The following MAN2A1 variants were observed in gnomAD, a reference collection of about 807,000 sequenced individuals.
MAN2A1 encodes mannosidase alpha class 2A member 1, also known as alpha-mannosidase 2.
In MAN2A1, 76 loss-of-function variants were observed where a neutral mutation model predicts 142.6. The ratio of observed to expected loss-of-function variants is 0.53; its 90% CI spans 0.44 to 0.65. The LOEUF is 0.65. MAN2A1 is among the 30% of genes least tolerant of loss of function. MAN2A1 has a pLI of 0.00. For synonymous variants in MAN2A1, 559 were observed against 473.2 expected (o/e 1.18, Z -2.35); for missense variants, 1,311 against 1,365.1 (o/e 0.96, Z 0.62).
chr5:109,713,390 A>G (rs1751356484), intron 1 of MAN2A1, 130 bp from the exon 2 acceptor site: 1 of 633,510 alleles, frequency 1.6e-6, no homozygotes, highest in Admixed American at 3.2e-5. Context: ...GATCCCACTT[A>G]TAAAAGTGGA....
At chr5:109,808,902 C>T (rs1754245634) in intron 12 of MAN2A1, among the ~76,000 whole-genome samples, 1 of 151,874 alleles carries the variant, frequency 6.6e-6, no homozygotes, top group South Asian at 2.1e-4. Flanking sequence ...AGGATGTCGC[C>T]ATGTTTGCCA....
At chr5:109,698,910 A>G (rs1434887636) in intron 1 of MAN2A1, among the ~76,000 whole-genome samples, 2 of 151,894 alleles carry the variant, frequency 1.3e-5, no homozygotes, top group African/African-American at 4.8e-5. Flanking sequence ...ACTTCTGACC[A>G]TTTCTTTATG....
At chr5:109,765,281 C>G (rs571448161) in intron 5 of MAN2A1, among the ~76,000 whole-genome samples, 1 of 152,062 alleles carries the variant, frequency 6.6e-6, no homozygotes, top group East Asian at 1.9e-4. Context: ...ATTTCTTGAT[C>G]TTTATATTTT....
intron 13 of MAN2A1, among the ~76,000 whole-genome samples, chr5:109,819,071 A>T (rs1372837277): frequency 1.3e-5 from 2 of 152,230 alleles, no homozygotes; most frequent in Non-Finnish European, 2.9e-5. Flanking sequence ...TTCAGTAGCA[A>T]CCGTACTTCA....
rs113661582 is a variant in MAN2A1, at chr5:109,780,510, C to CTGTGTG, written c.1375-852_1375-847dup. On this transcript the variant is annotated intron_variant, in intron 8 of 21. Coordinates refer to ENST00000261483, the MANE Select transcript of MAN2A1 (RefSeq NM_002372.4). ...CTTGAATCAAAATGACTTGCAATAT[C>CTGTGTG]TGTGTGTGTGTGTGTGTGTGTGTGT... 4.0e-3 allele frequency among the ~76,000 whole-genome samples: 582 copies of CTGTGTG among 143,758 alleles called. 1 individual carries two copies. The highest frequency in any genetic ancestry group is 4.9e-3 in the Non-Finnish European group (321 of 65,454). 94.3% of individuals were successfully genotyped at this position (143,758 alleles called of 152,430 possible).
intron 16 of MAN2A1, chr5:109,840,560 T>G (rs1383658517): frequency 2.0e-6 from 1 of 505,466 alleles, no homozygotes; most frequent in Non-Finnish European, 3.9e-6. Context: ...AATAAGGCTG[T>G]CTCCTGCTCT....
chr5:109,800,293 A>G (rs1290178623), intron 12 of MAN2A1, among the ~76,000 whole-genome samples: 2 of 152,142 alleles, frequency 1.3e-5, no homozygotes, highest in African/African-American at 2.4e-5. Context: ...ATATGACTCC[A>G]TGGGACTGTG....
chr5:109,759,519 T>C (rs1752778896), intron 5 of MAN2A1, among the ~76,000 whole-genome samples: 1 of 152,286 alleles, frequency 6.6e-6, no homozygotes, highest in African/African-American at 2.4e-5. Flanking sequence ...TTGGGTTGCT[T>C]TCAGTTTTGA....
intron 1 of MAN2A1, among the ~76,000 whole-genome samples, chr5:109,695,044 C>G (rs1389571151): frequency 6.6e-6 from 1 of 152,162 alleles, no homozygotes; most frequent in Admixed American, 6.5e-5. Flanking sequence ...AATGCAAGAA[C>G]AAACATTAGA....
At chr5:109,800,611 G>T (rs1219443176) in intron 12 of MAN2A1, among the ~76,000 whole-genome samples, 1 of 152,206 alleles carries the variant, frequency 6.6e-6, no homozygotes, top group Non-Finnish European at 1.5e-5. Context: ...TATTCTACAT[G>T]TGTAAGTTAT....
chr5:109,819,988 C>T, intron 14 of MAN2A1, 101 bp downstream of exon 14: 1 of 910,226 alleles, frequency 1.1e-6, no homozygotes, highest in South Asian at 1.7e-5. Context: ...TTAAGTAGAG[C>T]TGTATCAAAT....
intron 4 of MAN2A1, among the ~76,000 whole-genome samples, chr5:109,739,049 G>A (rs946513803): frequency 1.3e-5 from 2 of 151,824 alleles, no homozygotes; most frequent in East Asian, 1.9e-4. Context: ...GCCATGTTGC[G>A]CAGGCTGGTC....
At chr5:109,720,509 A>G (rs1394506458) in intron 3 of MAN2A1, among the ~76,000 whole-genome samples, 1 of 152,204 alleles carries the variant, frequency 6.6e-6, no homozygotes, top group Non-Finnish European at 1.5e-5. Context: ...AAATATTTCT[A>G]TTCAAATATT....
chr5:109,800,551 A>T (rs1000330494), intron 12 of MAN2A1, among the ~76,000 whole-genome samples: 6 of 152,210 alleles, frequency 3.9e-5, no homozygotes, highest in Admixed American at 3.9e-4. Context: ...TTATCATGTG[A>T]ACAAATATTT....
intron 16 of MAN2A1, among the ~76,000 whole-genome samples, chr5:109,833,040 A>T (rs1417837270): frequency 6.8e-6 from 1 of 147,430 alleles, no homozygotes; most frequent in African/African-American, 2.5e-5. Flanking sequence ...ATGGGGCGGC[A>T]GGGCAGAGGC....
In MAN2A1 at chr5:109,735,238, C is replaced by T. The variant is rs531615932; in HGVS notation, c.707+5725C>T. Among the ~76,000 whole-genome samples, 368 of 152,094 alleles carry T rather than the reference C, an allele frequency of 2.4e-3. 2 individuals carry two copies. The highest frequency in any genetic ancestry group is 8.5e-3 in the African/African-American group (352 of 41,478). ...TCCATTTGCTTGGTAGATCTTCCTC[C>T]ATCCTTTTATTTTGAGCCTATGTGT... On this transcript the variant is annotated intron_variant, in intron 4 of 21. Coordinates refer to ENST00000261483, the MANE Select transcript of MAN2A1 (RefSeq NM_002372.4).
At chr5:109,736,121 C>T (rs181420020) in intron 4 of MAN2A1, among the ~76,000 whole-genome samples, 2 of 152,110 alleles carry the variant, frequency 1.3e-5, no homozygotes, top group African/African-American at 4.8e-5. Flanking sequence ...AGAGTTTTTA[C>T]ACTGAAATGT....
chr5:109,830,979 A>G (rs1293572393), intron 16 of MAN2A1, among the ~76,000 whole-genome samples: 1 of 152,184 alleles, frequency 6.6e-6, no homozygotes, highest in African/African-American at 2.4e-5. Flanking sequence ...TCCCCTACAA[A>G]GGTGGGTTGC....
chr5:109,773,622 C>T (rs1753208193), intron 7 of MAN2A1, among the ~76,000 whole-genome samples: 1 of 152,006 alleles, frequency 6.6e-6, no homozygotes, highest in South Asian at 2.1e-4. Context: ...TTATATGTTA[C>T]ATAAGGACGC....
Sources: allele counts gnomAD v4.1 joint callset (sites outside exome capture counted in the v4.1 genomes callset), GRCh38; gene constraint gnomAD v4.1.1; transcripts MANE v1.5; gene names NCBI Gene and HGNC (gene_info 2026-07-23, HGNC 2026-07-21).